Variants in TNFSF15 observed in about 807,000 individuals in gnomAD.
TNFSF15 encodes tumor necrosis factor ligand superfamily member 15.
In TNFSF15, 15 loss-of-function variants were observed where a neutral mutation model predicts 26.4. The observed-to-expected ratio is 0.57, with a 90% CI of 0.38 to 0.87. The LOEUF (loss-of-function observed/expected upper bound fraction) is 0.87, where lower values mean the gene tolerates loss of function less well. Among genes scored for constraint, TNFSF15 ranks in the 40% least tolerant of loss-of-function variants. TNFSF15 has a pLI of 0.00. For synonymous variants in TNFSF15, 116 were observed against 115.0 expected, an observed-to-expected ratio of 1.01 and a Z score of -0.06; for missense variants, 290 against 306.1, an observed-to-expected ratio of 0.95 and a Z score of 0.39.
chr9:114,805,955 C>T lies in TNFSF15; in HGVS notation c.58G>A (p.Glu20Lys), dbSNP rs56129146. ...GETASVEMLP[E>K]HGSCRPKARS... ...GCCTTGGGCCTGCAGCTGCCGTGCT[C>T]TGGCAGCATTTCCACACTGGCTGTT... is the stretch of plus-strand genomic sequence containing the variant. The change falls in exon 1 of 4, where the codon GAG (glutamate) becomes AAG (lysine). Residue 20 changes from glutamate to lysine, a missense_variant. By Grantham distance (56) the Glu-to-Lys change is moderately conservative (BLOSUM62 1). This residue lies in a region of TNFSF15 where 179 missense variants were observed against 165.9 expected (regional missense o/e 1.08). Transcript: ENST00000374045. 1 of 1,614,064 alleles carries T rather than the reference C, an allele frequency of 6.2e-7. No individual in the cohort carries two copies. The highest frequency in any genetic ancestry group is 8.5e-7 in the Non-Finnish European group (1 of 1,180,018).
Position 114,805,804 on chromosome 9 carries a change from T to C in TNFSF15, c.209A>G (p.Gln70Arg). ...RAQGEACVQF[Q>R]ALKGQEFAPS... ...AGGTCAGAGTGCCATGTGGCTTACC[T>C]GGAACTGCACACAGGCCTCTCCCTG... The change falls in exon 1 of 4, where the codon CAG (glutamine) becomes CGG (arginine). Residue 70 changes from glutamine (Q) to arginine (R), a missense_variant and splice_region_variant. By Grantham distance (43) the Gln-to-Arg change is conservative. Around this residue, in one of 3 missense-constraint regions of TNFSF15, gnomAD observed 179 missense variants for 165.9 expected, o/e 1.08. Coordinates refer to ENST00000374045, the MANE Select transcript of TNFSF15 (RefSeq NM_005118.4). 2 of 1,612,842 alleles carry C rather than the reference T, an allele frequency of 1.2e-6. No homozygotes were observed. Among genetic ancestry groups the C allele is most frequent in the Non-Finnish European group, 1.7e-6 (2 of 1,179,920 alleles).
chr9:114,798,012 G>C (rs967779442), intron 1 of TNFSF15, among the ~76,000 whole-genome samples: 1 of 152,204 alleles, frequency 6.6e-6, no homozygotes, highest in African/African-American at 2.4e-5. Context: ...GAGTCAGAGA[G>C]GGGGTGAGGA....
intron 1 of TNFSF15, among the ~76,000 whole-genome samples, chr9:114,798,272 C>T (rs1184758735): frequency 6.6e-6 from 1 of 152,022 alleles, no homozygotes; most frequent in African/African-American, 2.4e-5. Context: ...CTTGCTCCCA[C>T]CAGCATATGT....
At position 114,790,854 on chromosome 9, in the gene TNFSF15, G is replaced by A. The variant is rs1829586555; in HGVS notation, c.354C>T (p.His118=). ...AGGCCAGGCCTAGTTCATGTTCCCAGTGCAGAGCTGGGAACTGATTTTTAA... is the reference window on the plus strand; with the variant it reads ...AGGCCAGGCCTAGTTCATGTTCCCAATGCAGAGCTGGGAACTGATTTTTAA... ...QHFKNQFPAL[H]WEHELGLAFT... The change falls in exon 4 of 4, where the codon CAC becomes CAT. Residue 118 remains histidine, a synonymous_variant. Transcript: ENST00000374045. The A allele has an allele frequency of 1.9e-6, 3 of 1,614,016 alleles. No homozygotes were observed. The highest frequency in any genetic ancestry group is 2.5e-6 in the Non-Finnish European group (3 of 1,180,034).
rs1430896502 is a variant in TNFSF15, at chr9:114,790,212, C to T, written c.*240G>A. 1 of 409,114 alleles carries T rather than the reference C, an allele frequency of 2.4e-6. No homozygotes were observed. Among genetic ancestry groups the T allele is most frequent in the African/African-American group, 2.0e-5 (1 of 50,078 alleles). 25.3% of individuals were successfully genotyped at this position (409,114 alleles called of 1,614,324 possible). On this transcript the variant is annotated 3_prime_UTR_variant, in exon 4 of 4. Coordinates refer to ENST00000374045, the MANE Select transcript of TNFSF15 (RefSeq NM_005118.4). ...TCTTAATATTTAGAAACTCGCCAAT[C>T]CTCCAACCCATCTTAATAATATATT... is the stretch of plus-strand genomic sequence containing the variant.
At chr9:114,793,148 C>T (rs987510196) in intron 2 of TNFSF15, among the ~76,000 whole-genome samples, 1 of 152,202 alleles carries the variant, frequency 6.6e-6, no homozygotes, top group Non-Finnish European at 1.5e-5. Flanking sequence ...ATGTGCTAGA[C>T]ATTGTTCTAA....
At chr9:114,803,981 C>A (rs923399063) in intron 1 of TNFSF15, among the ~76,000 whole-genome samples, 1 of 152,202 alleles carries the variant, frequency 6.6e-6, no homozygotes, top group Admixed American at 6.5e-5. Flanking sequence ...TTTAAATATT[C>A]TTCTACAAAT....
intron 1 of TNFSF15, among the ~76,000 whole-genome samples, chr9:114,800,066 C>T (rs1432039877): frequency 6.6e-6 from 1 of 152,102 alleles, no homozygotes; most frequent in Non-Finnish European, 1.5e-5. Context: ...TTATCATGAT[C>T]CCTAATCCTT....
Position 114,788,567 on chromosome 9 carries a change from G to A in TNFSF15, c.*1885C>T, listed in dbSNP as rs1829542629. 1.3e-5 allele frequency: 2 copies of A among 152,196 alleles called. No homozygotes were observed. The highest frequency in any genetic ancestry group is 1.5e-5 in the Non-Finnish European group (1 of 68,032). 9.4% of individuals were successfully genotyped at this position (152,196 alleles called of 1,614,324 possible). A position where few individuals can be genotyped will look rare whatever the true frequency, so the allele number is the denominator to read the frequency against. ...CACTTTGCTCAGGAGCCTCTCAAAT[G>A]CCTCTCTGCCTCTATAGTCTACTGG... On this transcript the variant is annotated 3_prime_UTR_variant, in exon 4 of 4. Transcript: ENST00000374045.
In TNFSF15 at chr9:114,788,222, T is replaced by G. The variant is rs1829536069; in HGVS notation, c.*2230A>C. On this transcript the variant is annotated 3_prime_UTR_variant, in exon 4 of 4. Coordinates refer to ENST00000374045, the MANE Select transcript of TNFSF15 (RefSeq NM_005118.4). ...TACTGAGAAATCTTTCTTTTCTGCT[T>G]TAAGTCAAGGGTAATTCCTCCATCT... 6.5e-6 allele frequency: 1 copy of G among 153,768 alleles called. No individual in the cohort carries two copies. The highest frequency in any genetic ancestry group is 6.5e-5 in the Admixed American group (1 of 15,282). 9.5% of individuals were successfully genotyped at this position (153,768 alleles called of 1,614,324 possible).
Position 114,805,893 on chromosome 9 carries a change from G to C in TNFSF15, c.120C>G (p.Cys40Trp). The C allele has an allele frequency of 6.2e-7, 1 of 1,614,066 alleles. No homozygotes were observed. Among genetic ancestry groups the C allele is most frequent in the South Asian group, 1.1e-5 (1 of 91,068 alleles). Reference sequence around the variant, plus strand: ...CTGCAAGGAAGGGGAGCAACACCAGGCAGCAGGTGAGAGCCCAGCGTGCGC... The same window carrying C: ...CTGCAAGGAAGGGGAGCAACACCAGCCAGCAGGTGAGAGCCCAGCGTGCGC... ...SSSARWALTC[C>W]LVLLPFLAGL... Residue 40 changes from cysteine (C) to tryptophan (W), a missense_variant, in exon 1 of 4, where the codon TGC (cysteine) becomes TGG (tryptophan). Transcript: ENST00000374045.
In TNFSF15 at chr9:114,787,803, A is replaced by T. The variant is rs1325447418; in HGVS notation, c.*2649T>A. The T allele has an allele frequency of 1.3e-5, 2 of 153,762 alleles. No homozygotes were observed. Among genetic ancestry groups the T allele is most frequent in the Non-Finnish European group, 2.9e-5 (2 of 68,042 alleles). 9.5% of individuals were successfully genotyped at this position (153,762 alleles called of 1,614,324 possible). On this transcript the variant is annotated 3_prime_UTR_variant, in exon 4 of 4. Transcript: ENST00000374045. ...GAATTTAACAAAATCAGCAGTAAAA[A>T]CTTGAGCTATGATACATTCTTTAAA...
At chr9:114,803,420 C>T (rs960408720) in intron 1 of TNFSF15, among the ~76,000 whole-genome samples, 6 of 152,162 alleles carry the variant, frequency 3.9e-5, no homozygotes, top group Non-Finnish European at 7.3e-5. Flanking sequence ...AGCCACATGC[C>T]TATTTTCATA....
At position 114,791,140 on chromosome 9, in the gene TNFSF15, G is replaced by C. The variant is rs1829591533; in HGVS notation, c.302-234C>G. 4 of 602,856 alleles carry C rather than the reference G, an allele frequency of 6.6e-6. No homozygotes were observed. In the Admixed American group the frequency reaches 9.6e-5, roughly 14 times the overall value. The allele number at this position is 602,856 out of a possible 1,614,324, so 37.3% of individuals were successfully genotyped here. A position where few individuals can be genotyped will look rare whatever the true frequency, so the allele number is the denominator to read the frequency against. Reference sequence around the variant, plus strand: ...CAAATTACTTTGCCTTTCTGAGACTGAGTGGTCTGACCTGAAAATTTTTAA... The same window carrying C: ...CAAATTACTTTGCCTTTCTGAGACTCAGTGGTCTGACCTGAAAATTTTTAA... On this transcript the variant is annotated intron_variant, in intron 3 of 3. Transcript: ENST00000374045.
chr9:114,792,619 G>A lies in TNFSF15; in HGVS notation c.254-165C>T, dbSNP rs116105240. ...GATTTTGGATTGGAATGTGGCACCC[G>A]CAGCAAGCACCACCAAGGACAGGGT... On this transcript the variant is annotated intron_variant, in intron 2 of 3. Coordinates refer to ENST00000374045, the MANE Select transcript of TNFSF15 (RefSeq NM_005118.4). The A allele has an allele frequency of 4.1e-3, 6,013 of 1,458,084 alleles. 212 individuals carry two copies. In the African/African-American group the frequency reaches 0.075, roughly 18 times the overall value. 90.3% of individuals were successfully genotyped at this position (1,458,084 alleles called of 1,614,324 possible). A position where few individuals can be genotyped will look rare whatever the true frequency, so the allele number is the denominator to read the frequency against.
chr9:114,802,401 C>T (rs368282581), intron 1 of TNFSF15, among the ~76,000 whole-genome samples: 23 of 152,048 alleles, frequency 1.5e-4, no homozygotes, highest in East Asian at 3.9e-4. Context: ...TACAGGCGCG[C>T]GCCACCACGC....
At chr9:114,792,578 G>T (rs1247259313) in intron 2 of TNFSF15, 124 bp from the exon 3 acceptor site, 2 of 1,548,980 alleles carry the variant, frequency 1.3e-6, no homozygotes, top group Admixed American at 3.9e-5. Context: ...GCTTGGTCCA[G>T]TGCCACTCCT....
intron 1 of TNFSF15, among the ~76,000 whole-genome samples, chr9:114,802,760 A>T (rs777760975): frequency 8.5e-5 from 13 of 152,104 alleles, no homozygotes; most frequent in Non-Finnish European, 1.6e-4. Context: ...AGTTGTGGTA[A>T]TAGTTTTCTC....
intron 1 of TNFSF15, among the ~76,000 whole-genome samples, chr9:114,795,029 G>A (rs1829656917): frequency 6.6e-6 from 1 of 152,060 alleles, no homozygotes; most frequent in South Asian, 2.1e-4. Context: ...AAAGTAGCTA[G>A]AAGAGAAAAC....
Sources: allele counts gnomAD v4.1 joint callset (sites outside exome capture counted in the v4.1 genomes callset), GRCh38; gene constraint gnomAD v4.1.1; regional missense constraint gnomAD v4.1.1; transcripts MANE v1.5; gene names NCBI Gene and HGNC (gene_info 2026-07-23, HGNC 2026-07-21).